INSR: variants seen among roughly 807,000 people sequenced by gnomAD.
The protein encoded by INSR is insulin receptor.
INSR carries 67 observed loss-of-function variants against 142.6 expected under a neutral mutation model. The ratio of observed to expected loss-of-function variants is 0.47; its 90% CI spans 0.39 to 0.58. INSR has a LOEUF of 0.58. Among genes scored for constraint, INSR ranks in the 20% least tolerant of loss-of-function variants. The pLI is 0.00. For missense variants in INSR, 1,248 were observed against 1,833.2 expected (o/e 0.68, Z 5.83); for synonymous variants, 756 against 743.1 (o/e 1.02, Z -0.28).
chr19:7,188,137 C>T (rs1207139296), intron 2 of INSR, among the ~76,000 whole-genome samples: 1 of 152,180 alleles, frequency 6.6e-6, no homozygotes, highest in Non-Finnish European at 1.5e-5. Context: ...TTGCATCCTT[C>T]AGGTCCTTAC....
Position 7,166,571 on chromosome 19 carries a change from T to C in INSR, c.1611-167A>G, listed in dbSNP as rs1028012049. Among the ~76,000 whole-genome samples the C allele has an allele frequency of 3.9e-5, 6 of 152,150 alleles. No individual in the cohort carries two copies. The highest frequency in any genetic ancestry group is 1.4e-4 in the African/African-American group (6 of 41,448). ...CGGGAACAGCCAAAGAGAAAGGAAC[T>C]GTCAACCCTGACATCTCAATGAAAA... On this transcript the variant is annotated intron_variant, in intron 7 of 21. Coordinates refer to ENST00000302850, the MANE Select transcript of INSR (RefSeq NM_000208.4). The surrounding 1 kb of genome is among the most constrained non-coding windows in gnomAD (Gnocchi z 4.1).
At chr19:7,196,512 C>A (rs1194408460) in intron 2 of INSR, among the ~76,000 whole-genome samples, 1 of 152,106 alleles carries the variant, frequency 6.6e-6, no homozygotes, top group Non-Finnish European at 1.5e-5. Context: ...GGAGACGCAG[C>A]GCTGCATTGT....
rs7252268 is a variant in INSR at position 7,170,494 on chromosome 19, C to A, written c.1483+43G>T. 0.21 allele frequency: 311,844 copies of A among 1,477,956 alleles called. 41,959 individuals are homozygous for A. Among genetic ancestry groups the A allele is most frequent in the African/African-American group, 0.64 (46,122 of 72,082 alleles). 91.6% of individuals were successfully genotyped at this position (1,477,956 alleles called of 1,614,324 possible). A position where few individuals can be genotyped will look rare whatever the true frequency, so the allele number is the denominator to read the frequency against. On this transcript the variant is annotated intron_variant, in intron 6 of 21. Transcript: ENST00000302850. ...TCCATGGAAAAACCATCTTCCACTA[C>A]ACCGGTCCCTCATGCCAAAAAGGTT... is the stretch of plus-strand genomic sequence containing the variant.
intron 2 of INSR, 25 bp from the exon 3 acceptor site, chr19:7,184,662 G>GGAAA (rs768665455): frequency 3.2e-5 from 31 of 982,698 alleles, no homozygotes; most frequent in Middle Eastern, 3.5e-4. Context: ...AGAGAGAGAG[G>GGAAA]GAAATAAATA....
chr19:7,245,728 G>A (rs946410640), intron 2 of INSR, among the ~76,000 whole-genome samples: 1 of 152,114 alleles, frequency 6.6e-6, no homozygotes, highest in African/African-American at 2.4e-5. Flanking sequence ...TTGCAGGCAT[G>A]AGCCACCACG....
At chr19:7,219,704 C>T (rs1975554209) in intron 2 of INSR, among the ~76,000 whole-genome samples, 1 of 152,094 alleles carries the variant, frequency 6.6e-6, no homozygotes. Flanking sequence ...AAGAAAAGAA[C>T]GATTGCTGGC....
intron 13 of INSR, among the ~76,000 whole-genome samples, chr19:7,134,298 G>A (rs1321272355): frequency 3.3e-5 from 5 of 152,230 alleles, no homozygotes; most frequent in African/African-American, 1.2e-4. Flanking sequence ...TTAGAAAAGA[G>A]TGGAAATGAA....
Position 7,168,217 on chromosome 19 carries a change from A to C in INSR, c.1484-123T>G. 1.0e-6 allele frequency: 1 copy of C among 971,290 alleles called. No individual in the cohort carries two copies. The highest frequency in any genetic ancestry group is 1.4e-5 in the South Asian group (1 of 73,060). 60.2% of individuals were successfully genotyped at this position (971,290 alleles called of 1,614,324 possible). On this transcript the variant is annotated intron_variant, in intron 6 of 21. Coordinates refer to ENST00000302850, the MANE Select transcript of INSR (RefSeq NM_000208.4). The surrounding 1 kb of genome is among the most constrained non-coding windows in gnomAD (Gnocchi z 4.3). ...GCAGAGGTGACGCTGCTATTCCCTT[A>C]AGGGTCTCCTCCCCATGTGCCTGGC...
intron 1 of INSR, among the ~76,000 whole-genome samples, chr19:7,268,943 G>A (rs1568230046): frequency 6.6e-6 from 1 of 151,398 alleles, no homozygotes; most frequent in African/African-American, 2.4e-5. Flanking sequence ...ACACCTATTT[G>A]CGTGTTTCTC....
chr19:7,280,779 G>A (rs546836665), intron 1 of INSR, among the ~76,000 whole-genome samples: 156 of 152,038 alleles, frequency 1.0e-3, no homozygotes, highest in African/African-American at 3.6e-3. Flanking sequence ...TATAATCCCA[G>A]CTACTCAGGA....
intron 2 of INSR, among the ~76,000 whole-genome samples, chr19:7,188,982 T>C (rs1974506846): frequency 6.6e-6 from 1 of 151,984 alleles, no homozygotes; most frequent in African/African-American, 2.4e-5. Context: ...ACACATCAGA[T>C]TCTTTGATAG....
At chr19:7,215,972 C>T (rs901081529) in intron 2 of INSR, among the ~76,000 whole-genome samples, 15 of 152,054 alleles carry the variant, frequency 9.9e-5, no homozygotes, top group African/African-American at 3.1e-4. Context: ...GAAATTCCGA[C>T]GGGAATTGAA....
At chr19:7,283,177 T>G (rs1300298088) in intron 1 of INSR, among the ~76,000 whole-genome samples, 3 of 152,032 alleles carry the variant, frequency 2.0e-5, no homozygotes, top group Middle Eastern at 3.4e-3. Context: ...TGAGCAACAG[T>G]GCAAGACCCT....
intron 2 of INSR, among the ~76,000 whole-genome samples, chr19:7,253,422 G>A (rs922601934): frequency 6.6e-6 from 1 of 151,680 alleles, no homozygotes; most frequent in Admixed American, 6.6e-5. Context: ...ATTTTTAGTA[G>A]AGACGGGGTT....
chr19:7,198,134 G>C lies in INSR; in HGVS notation c.653-13497C>G, dbSNP rs552794935. On this transcript the variant is annotated intron_variant, in intron 2 of 21. Transcript: ENST00000302850. ...CTCAAGGCTCCGCCCCCTCGAGCCG[G>C]AGGCCTCAGCGCAGCACAAAGCCCG... 2.0e-3 allele frequency among the ~76,000 whole-genome samples: 305 copies of C among 151,998 alleles called. 8 individuals are homozygous for C. The East Asian group carries it at 0.041, about 20-fold the overall frequency.
intron 2 of INSR, among the ~76,000 whole-genome samples, chr19:7,241,693 C>T (rs116523997): frequency 0.013 from 1,914 of 152,072 alleles, 37 homozygotes; most frequent in African/African-American, 0.044. Flanking sequence ...TGGCAGTATC[C>T]GGAGACATTT....
intron 2 of INSR, among the ~76,000 whole-genome samples, chr19:7,266,146 G>A (rs543725968): frequency 6.6e-6 from 1 of 152,246 alleles, no homozygotes; most frequent in South Asian, 2.1e-4. Context: ...CCCTCCCGCA[G>A]TAAATTATGA....
Position 7,267,580 on chromosome 19 carries a change from G to A in INSR, c.417C>T (p.Ile139=), listed in dbSNP as rs371681280. ...KELGLYNLMN[I]TRGSVRIEKN... ...TCTCGATGCGGACAGAACCCCGGGT[G>A]ATGTTCATCAGGTTGTAGAGGCCGA... The change falls in exon 2 of 22, where the codon ATC becomes ATT. Residue 139 remains isoleucine, a synonymous_variant. Coordinates refer to ENST00000302850, the MANE Select transcript of INSR (RefSeq NM_000208.4). The surrounding 1 kb of genome is among the most constrained non-coding windows in gnomAD (Gnocchi z 6.3). The A allele has an allele frequency of 1.2e-6, 2 of 1,614,000 alleles. No homozygotes were observed. The highest frequency in any genetic ancestry group is 1.3e-5 in the African/African-American group (1 of 74,886).
At chr19:7,280,269 A>G (rs1322001995) in intron 1 of INSR, among the ~76,000 whole-genome samples, 1 of 151,568 alleles carries the variant, frequency 6.6e-6, no homozygotes, top group East Asian at 2.0e-4. Context: ...GTCTCATAAC[A>G]AAAAACAAAA....
Sources: allele counts gnomAD v4.1 joint callset (sites outside exome capture counted in the v4.1 genomes callset), GRCh38; gene constraint gnomAD v4.1.1; non-coding constraint Gnocchi (gnomAD v3.1); transcripts MANE v1.5; gene names NCBI Gene and HGNC (gene_info 2026-07-23, HGNC 2026-07-21).